SRGAP2B: variants seen among roughly 807,000 people sequenced by gnomAD.
The protein encoded by SRGAP2B is SLIT-ROBO Rho GTPase-activating protein 2B.
Under a neutral mutation model 22.2 loss-of-function variants are expected in SRGAP2B, and 9 were observed. The observed-to-expected ratio is 0.41, with a 90% CI of 0.24 to 0.71. The LOEUF (loss-of-function observed/expected upper bound fraction) is 0.71, where lower values mean the gene tolerates loss of function less well. Among genes scored for constraint, SRGAP2B ranks in the 30% least tolerant of loss-of-function variants. The probability of loss-of-function intolerance (pLI) is 0.35; values close to 1 mark genes in which losing one functional copy is unlikely to be tolerated. For missense variants in SRGAP2B, 114 were observed against 235.8 expected, an observed-to-expected ratio of 0.48 and a Z score of 3.38; for synonymous variants, 36 against 87.4, an observed-to-expected ratio of 0.41 and a Z score of 3.28.
intron 4 of SRGAP2B, among the ~76,000 whole-genome samples, chr1:144,951,301 T>G (rs1666849408): frequency 7.0e-6 from 1 of 142,630 alleles, no homozygotes; most frequent in South Asian, 2.3e-4. Context: ...CTCAGCCTCC[T>G]GGGTAGCTAG....
intron 4 of SRGAP2B, among the ~76,000 whole-genome samples, chr1:144,927,398 TTTC>T (rs1395470123): frequency 3.3e-5 from 5 of 150,864 alleles, no homozygotes; most frequent in African/African-American, 9.9e-5. Context: ...TTCTCATATT[TTTC>T]TTGTCTGAAA....
chr1:144,917,729 T>C (rs1663960996), intron 4 of SRGAP2B: 1 of 133,620 alleles, frequency 7.5e-6, no homozygotes, highest in Admixed American at 7.2e-5. Context: ...TGGGAATACA[T>C]GTGTAGCGAG....
intron 2 of SRGAP2B, among the ~76,000 whole-genome samples, chr1:145,007,506 CA>C (rs1434642007): frequency 6.6e-6 from 1 of 150,650 alleles, no homozygotes; most frequent in Non-Finnish European, 1.5e-5. Context: ...TTCTTGAAGG[CA>C]ATAGCAGGAA....
At chr1:144,939,988 A>G (rs1373004276) in intron 4 of SRGAP2B, among the ~76,000 whole-genome samples, 1 of 144,782 alleles carries the variant, frequency 6.9e-6, no homozygotes, top group African/African-American at 2.7e-5. Flanking sequence ...TTTCTAGCCT[A>G]TATGATAATA....
chr1:144,944,642 C>T (rs1157571673), intron 4 of SRGAP2B, among the ~76,000 whole-genome samples: 1 of 142,844 alleles, frequency 7.0e-6, no homozygotes, highest in Non-Finnish European at 1.5e-5. Context: ...CATTGGATGG[C>T]ATTTATAGCA....
At chr1:144,920,747 A>T (rs1420328421) in intron 4 of SRGAP2B, among the ~76,000 whole-genome samples, 1 of 149,968 alleles carries the variant, frequency 6.7e-6, no homozygotes, top group Admixed American at 6.6e-5. Context: ...TTATTTTACA[A>T]CTCATTAATG....
intron 2 of SRGAP2B, among the ~76,000 whole-genome samples, chr1:145,020,861 A>C (rs1553623936): frequency 6.7e-6 from 1 of 149,616 alleles, no homozygotes; most frequent in Non-Finnish European, 1.5e-5. Context: ...GTGCAGTGGC[A>C]TGATCTTGGC....
intron 3 of SRGAP2B, among the ~76,000 whole-genome samples, chr1:144,956,815 C>T (rs1667302475): frequency 6.7e-6 from 1 of 148,844 alleles, no homozygotes; most frequent in Admixed American, 6.7e-5. Context: ...TCAGCATTAA[C>T]TTAAGCAACA....
intron 2 of SRGAP2B, among the ~76,000 whole-genome samples, chr1:145,022,935 G>C (rs1647308066): frequency 6.7e-6 from 1 of 149,600 alleles, no homozygotes; most frequent in African/African-American, 2.5e-5. Context: ...GGGAGGCCCA[G>C]GCTGGTGGAT....
At chr1:144,929,129 CT>C (rs1664993445) in intron 4 of SRGAP2B, among the ~76,000 whole-genome samples, 1 of 144,404 alleles carries the variant, frequency 6.9e-6, no homozygotes, top group South Asian at 2.2e-4. Context: ...CTATTCAAGT[CT>C]TTTGCCCATT....
chr1:144,892,685 T>C (rs1394140266), intron 9 of SRGAP2B, among the ~76,000 whole-genome samples: 7 of 148,876 alleles, frequency 4.7e-5, no homozygotes, highest in African/African-American at 7.6e-5. Context: ...TATAACAATA[T>C]TGTAATAGAA....
intron 4 of SRGAP2B, among the ~76,000 whole-genome samples, chr1:144,915,824 C>A (rs1432107170): frequency 6.6e-6 from 1 of 150,710 alleles, no homozygotes; most frequent in African/African-American, 2.5e-5. Flanking sequence ...CCTAAGAGAG[C>A]TAAAACTGAT....
At chr1:144,930,634 G>T (rs1179236519) in intron 4 of SRGAP2B, among the ~76,000 whole-genome samples, 4 of 150,812 alleles carry the variant, frequency 2.7e-5, no homozygotes, top group Non-Finnish European at 5.9e-5. Flanking sequence ...AGCTTCACCA[G>T]CCACCTCAAA....
intron 4 of SRGAP2B, among the ~76,000 whole-genome samples, chr1:144,949,199 A>G (rs1456970579): frequency 3.5e-3 from 14 of 4,038 alleles, no homozygotes; most frequent in Admixed American, 7.9e-3. Flanking sequence ...AATTTTAACC[A>G]TCCTAGTGAA....
intron 7 of SRGAP2B, among the ~76,000 whole-genome samples, chr1:144,904,075 A>G (rs1250573995): frequency 2.1e-5 from 3 of 145,344 alleles, no homozygotes; most frequent in Admixed American, 1.4e-4. Context: ...ACATGTGCCT[A>G]TTAACCGCTT....
chr1:145,022,595 C>A (rs1553624318), intron 2 of SRGAP2B, among the ~76,000 whole-genome samples: 1 of 149,020 alleles, frequency 6.7e-6, no homozygotes, highest in African/African-American at 2.6e-5. Flanking sequence ...GAGATCATGG[C>A]TTTTCTTTTT....
At chr1:144,965,166 G>T (rs2993871) in intron 3 of SRGAP2B, 3 of 1,112,116 alleles carry the variant, frequency 2.7e-6, no homozygotes, top group Middle Eastern at 2.9e-4. Flanking sequence ...GAGGAGCCAA[G>T]ATGGCCGAAT....
At chr1:144,947,431 C>A (rs1553608657) in intron 4 of SRGAP2B, among the ~76,000 whole-genome samples, 1 of 143,674 alleles carries the variant, frequency 7.0e-6, no homozygotes, top group Non-Finnish European at 1.5e-5. Flanking sequence ...TTTTTAACTA[C>A]CAGATTCATT....
At chr1:145,025,123 A>G (rs1457610827) in intron 2 of SRGAP2B, among the ~76,000 whole-genome samples, 1 of 68,906 alleles carries the variant, frequency 1.5e-5, no homozygotes, top group Non-Finnish European at 2.7e-5. Context: ...TGCTGTCCTC[A>G]AGGGTTGCTC....
Sources: gnomAD v4.1 joint callset for allele counts (sites outside exome capture counted in the v4.1 genomes callset) on GRCh38, gnomAD v4.1.1 for gene constraint, MANE v1.5 for transcripts, NCBI Gene and HGNC (gene_info 2026-07-23, HGNC 2026-07-21) for gene names.